ROBO1: variants seen among roughly 807,000 people sequenced by gnomAD.
ROBO1 encodes roundabout guidance receptor 1.
Under a neutral mutation model 195.9 loss-of-function variants are expected in ROBO1, and 149 were observed. The ratio of observed to expected loss-of-function variants is 0.76; its 90% confidence interval spans 0.67 to 0.87. The LOEUF is 0.87. ROBO1 is among the 40% of genes least tolerant of loss of function. The probability of loss-of-function intolerance (pLI) is 0.00; values close to 1 mark genes in which losing one functional copy is unlikely to be tolerated. For missense variants in ROBO1, 1,933 were observed against 2,068.3 expected (o/e 0.93, Z 1.27); for synonymous variants, 816 against 733.2 (o/e 1.11, Z -1.82).
intron 10 of ROBO1, among the ~76,000 whole-genome samples, chr3:78,683,129 TAC>T (rs71892319): frequency 0.26 from 38,985 of 149,798 alleles, 5,392 homozygotes; most frequent in African/African-American, 0.37. Context: ...GTTTTGTAGA[TAC>T]ACACACACAC....
intron 3 of ROBO1, among the ~76,000 whole-genome samples, chr3:78,981,788 AACACACACACACACACAC>A (rs375186931): frequency 7.1e-6 from 1 of 140,688 alleles, no homozygotes; most frequent in African/African-American, 2.6e-5. Context: ...GGCCCCTGCC[AACACACACACACACACAC>A]ACACACACAC....
intron 2 of ROBO1, among the ~76,000 whole-genome samples, chr3:79,283,467 T>C (rs1436386014): frequency 1.3e-5 from 2 of 152,212 alleles, no homozygotes; most frequent in African/African-American, 2.4e-5. Flanking sequence ...CCTGACACTA[T>C]TGATTAAATA....
At chr3:78,940,064 T>C (rs1053238635) in intron 3 of ROBO1, among the ~76,000 whole-genome samples, 3 of 152,172 alleles carry the variant, frequency 2.0e-5, no homozygotes, top group Non-Finnish European at 4.4e-5. Flanking sequence ...TGTAAATTTA[T>C]CAAAGATTTC....
chr3:79,538,867 A>G (rs1471310366), intron 2 of ROBO1, among the ~76,000 whole-genome samples: 1 of 152,144 alleles, frequency 6.6e-6, no homozygotes, highest in African/African-American at 2.4e-5. Context: ...AATCACTTTA[A>G]TCAGAAACAA....
At chr3:78,691,619 G>A (rs959951212) in intron 8 of ROBO1, among the ~76,000 whole-genome samples, 7 of 152,016 alleles carry the variant, frequency 4.6e-5, no homozygotes, top group African/African-American at 1.7e-4. Flanking sequence ...AGAGTTACAG[G>A]GTCTGAAAAT....
intron 23 of ROBO1, 47 bp from the exon 24 acceptor site, chr3:78,634,089 T>C: frequency 7.8e-7 from 1 of 1,288,708 alleles, no homozygotes; most frequent in South Asian, 1.3e-5. Context: ...TTTCTCTTCA[T>C]GAGCGATTTC....
intron 2 of ROBO1, among the ~76,000 whole-genome samples, chr3:79,412,851 T>A (rs1457991759): frequency 6.7e-6 from 1 of 149,136 alleles, no homozygotes; most frequent in African/African-American, 2.5e-5. Flanking sequence ...TTCTGGAGAA[T>A]GATTTTATTG....
chr3:79,595,398 T>G (rs1459309347), intron 1 of ROBO1, among the ~76,000 whole-genome samples: 1 of 152,042 alleles, frequency 6.6e-6, no homozygotes, highest in East Asian at 1.9e-4. Context: ...CACCTACATT[T>G]CCAAAATTTA....
intron 3 of ROBO1, among the ~76,000 whole-genome samples, chr3:79,059,568 A>G (rs1427872290): frequency 6.6e-6 from 1 of 152,048 alleles, no homozygotes; most frequent in Non-Finnish European, 1.5e-5. Context: ...GCCATGGCAG[A>G]AGAACATAAA....
chr3:79,547,042 G>T (rs1176063492), intron 2 of ROBO1, among the ~76,000 whole-genome samples: 2 of 151,696 alleles, frequency 1.3e-5, no homozygotes, highest in East Asian at 3.9e-4. Context: ...AAAATTAGCC[G>T]GGCGTGGTGG....
In ROBO1 at chr3:79,024,178, G is replaced by C. The variant is rs146828769; in HGVS notation, c.173-85251C>G. ...GTGGAATTACTGTGACTGTGTTTCT[G>C]TTTTAGCATCTCAGCATCTCACACA... On this transcript the variant is annotated intron_variant, in intron 3 of 30. Coordinates refer to ENST00000464233, the MANE Select transcript of ROBO1 (RefSeq NM_002941.4). Among the ~76,000 whole-genome samples the C allele has an allele frequency of 7.2e-5, 11 of 152,268 alleles. No individual in the cohort carries two copies. In the East Asian group the frequency reaches 2.1e-3, roughly 29 times the overall value.
chr3:78,941,631 G>A (rs1039931077), intron 3 of ROBO1, among the ~76,000 whole-genome samples: 2 of 152,152 alleles, frequency 1.3e-5, no homozygotes, highest in Non-Finnish European at 2.9e-5. Context: ...AACACATTAC[G>A]TTTGAGATAA....
chr3:79,325,766 G>C (rs1206590443), intron 2 of ROBO1, among the ~76,000 whole-genome samples: 2 of 152,092 alleles, frequency 1.3e-5, no homozygotes, highest in Non-Finnish European at 2.9e-5. Context: ...GAGCATGTGT[G>C]TTTGAACAAT....
At chr3:78,684,511 C>T (rs535551774) in intron 10 of ROBO1, among the ~76,000 whole-genome samples, 3 of 152,100 alleles carry the variant, frequency 2.0e-5, no homozygotes, top group South Asian at 2.1e-4. Flanking sequence ...TCACGGCATG[C>T]GTATTATACT....
intron 5 of ROBO1, among the ~76,000 whole-genome samples, chr3:78,744,427 G>A (rs2082607021): frequency 6.6e-6 from 1 of 152,166 alleles, no homozygotes; most frequent in African/African-American, 2.4e-5. Flanking sequence ...CAAGAGAGCA[G>A]AGGCTTCCCA....
chr3:79,243,005 C>T (rs1189165953), intron 2 of ROBO1, among the ~76,000 whole-genome samples: 1 of 138,902 alleles, frequency 7.2e-6, no homozygotes, highest in African/African-American at 2.7e-5. Context: ...CACAACATGC[C>T]CTGGTGTGTG....
intron 2 of ROBO1, among the ~76,000 whole-genome samples, chr3:79,195,636 T>C (rs1429398485): frequency 6.6e-6 from 1 of 151,650 alleles, no homozygotes; most frequent in Non-Finnish European, 1.5e-5. Flanking sequence ...AAGACAATTT[T>C]GTATTGATAA....
chr3:79,006,391 G>A (rs753354959), intron 3 of ROBO1, among the ~76,000 whole-genome samples: 8 of 152,150 alleles, frequency 5.3e-5, no homozygotes, highest in Non-Finnish European at 4.4e-5. Flanking sequence ...AAAGTAAGGA[G>A]ATACTGATGT....
chr3:78,966,043 C>A (rs554577709), intron 3 of ROBO1, among the ~76,000 whole-genome samples: 1 of 152,338 alleles, frequency 6.6e-6, no homozygotes, highest in East Asian at 1.9e-4. Context: ...TGAGCTCCAT[C>A]TCCTGTCAGA....
Sources: allele counts gnomAD v4.1 joint callset (sites outside exome capture counted in the v4.1 genomes callset), GRCh38; gene constraint gnomAD v4.1.1; transcripts MANE v1.5; gene names NCBI Gene and HGNC (gene_info 2026-07-23, HGNC 2026-07-21).